ANKRD31: variants seen among roughly 807,000 people sequenced by gnomAD.
ANKRD31 encodes the protein ankyrin repeat domain 31.
A neutral mutation model predicts 186.0 loss-of-function variants in ANKRD31; 147 were observed. The observed-to-expected ratio is 0.79, with a 90% confidence interval of 0.69 to 0.91. The LOEUF (loss-of-function observed/expected upper bound fraction) is 0.91. Among genes scored for constraint, ANKRD31 ranks in the 40% least tolerant of loss-of-function variants. The pLI is 0.00. For missense variants in ANKRD31, 1,986 were observed against 2,148.8 expected, an observed-to-expected ratio of 0.92 and a Z score of 1.50; for synonymous variants, 673 against 736.4, an observed-to-expected ratio of 0.91 and a Z score of 1.39.
chr5:75,218,466 T>A (rs981977445), intron 3 of ANKRD31, among the ~76,000 whole-genome samples: 1 of 151,702 alleles, frequency 6.6e-6, no homozygotes, highest in Admixed American at 6.6e-5. Context: ...GCCTACCAAC[T>A]AAAAAAAGCC....
rs550993435 is a variant in ANKRD31 at position 75,154,592 on chromosome 5, A to T, written c.1708-247T>A. 6.6e-5 allele frequency among the ~76,000 whole-genome samples: 10 copies of T among 152,198 alleles called. No homozygotes were observed. The East Asian group carries it at 1.9e-3, about 29-fold the overall frequency. On this transcript the variant is annotated intron_variant, in intron 11 of 25. Transcript: ENST00000506364. ...AATGAAAGGGAGAAAGAGAAAAAGA[A>T]AGAAGGAGGGAAGAAAAGAAAGGGA...
At chr5:75,077,797 T>C (rs1188475961) in intron 25 of ANKRD31, among the ~76,000 whole-genome samples, 2 of 151,804 alleles carry the variant, frequency 1.3e-5, no homozygotes, top group Admixed American at 6.6e-5. Context: ...TGGTGGCAGG[T>C]GCCTGTAGTC....
intron 17 of ANKRD31, among the ~76,000 whole-genome samples, chr5:75,127,471 T>C (rs1253853340): frequency 6.6e-6 from 1 of 152,184 alleles, no homozygotes; most frequent in African/African-American, 2.4e-5. Flanking sequence ...AAATGTCATT[T>C]ATGTCAAGGT....
chr5:75,224,178 T>TATATATACAC (rs1341100904), intron 2 of ANKRD31, among the ~76,000 whole-genome samples: 1 of 124,432 alleles, frequency 8.0e-6, no homozygotes, highest in South Asian at 2.6e-4. Flanking sequence ...TATATATATA[T>TATATATACAC]ACACACATTT....
Position 75,116,621 on chromosome 5 carries a change from GT to G in ANKRD31, c.4099del (p.Thr1367LeufsTer30). 1 of 1,470,736 alleles carries G rather than the reference GT, an allele frequency of 6.8e-7. No individual in the cohort carries two copies. Among genetic ancestry groups the G allele is most frequent in the South Asian group, 1.4e-5 (1 of 70,824 alleles). 91.1% of individuals were successfully genotyped at this position (1,470,736 alleles called of 1,614,324 possible). A position where few individuals can be genotyped will look rare whatever the true frequency, so the allele number is the denominator to read the frequency against. ...HKQCFCDDGK[T>X]IDSSSLSHQE... The stretch of plus-strand genomic sequence containing the variant: ...GTGTGAAAGGGAAGATGAGTCAATA[GT>G]TTTGCCATCATCACAAAAACACTGT... On this transcript the variant is annotated frameshift_variant, in exon 19 of 26. Transcript: ENST00000506364. LOFTEE classifies it high-confidence loss of function.
At chr5:75,115,847 G>A (rs1440415289) in intron 19 of ANKRD31, among the ~76,000 whole-genome samples, 1 of 152,058 alleles carries the variant, frequency 6.6e-6, no homozygotes, top group African/African-American at 2.4e-5. Context: ...GCAAGTCAGT[G>A]TGGCGATTCC....
intron 1 of ANKRD31, among the ~76,000 whole-genome samples, chr5:75,233,472 C>G (rs1425682372): frequency 6.6e-6 from 1 of 152,016 alleles, no homozygotes; most frequent in Non-Finnish European, 1.5e-5. Context: ...TAATCTATTT[C>G]ATATTTAATT....
chr5:75,127,605 C>CAGCTATTTTA (rs1369099439), intron 17 of ANKRD31, among the ~76,000 whole-genome samples: 1 of 152,150 alleles, frequency 6.6e-6, no homozygotes, highest in Non-Finnish European at 1.5e-5. Flanking sequence ...AAATTTGTCT[C>CAGCTATTTTA]AGCTATTTTA....
At chr5:75,100,950 A>C (rs1746811718) in intron 22 of ANKRD31, among the ~76,000 whole-genome samples, 1 of 152,088 alleles carries the variant, frequency 6.6e-6, no homozygotes, top group Non-Finnish European at 1.5e-5. Flanking sequence ...TTATGTATGA[A>C]TTTGATCCTG....
At position 75,075,771 on chromosome 5, in the gene ANKRD31, A is replaced by G. The variant is rs375926085; in HGVS notation, c.5647+4797T>C. ...TGCTTCCACTTTAGCTCTGACAGTA[A>G]TGTTGAGGGGAGGAGGGTGACAGAG... On this transcript the variant is annotated intron_variant, in intron 25 of 25. Transcript: ENST00000506364. Among the ~76,000 whole-genome samples, 107 of 152,280 alleles carry G rather than the reference A, an allele frequency of 7.0e-4. No individual in the cohort carries two copies. In the South Asian group the frequency reaches 9.9e-3, roughly 14 times the overall value.
intron 10 of ANKRD31, among the ~76,000 whole-genome samples, chr5:75,177,921 T>C (rs1753946315): frequency 6.6e-6 from 1 of 152,036 alleles, no homozygotes; most frequent in South Asian, 2.1e-4. Context: ...ATGCTCCAAT[T>C]AAAAGGCGCA....
intron 11 of ANKRD31, among the ~76,000 whole-genome samples, chr5:75,160,922 T>G (rs1220581027): frequency 6.6e-6 from 1 of 152,170 alleles, no homozygotes; most frequent in Non-Finnish European, 1.5e-5. Context: ...CCTTATGCCA[T>G]GATTGTGAAG....
In ANKRD31 at chr5:75,168,960, A is replaced by G. The variant is rs985851767; in HGVS notation, c.1707+19T>C. 4 of 1,513,300 alleles carry G rather than the reference A, an allele frequency of 2.6e-6. No individual in the cohort carries two copies. In the African/African-American group the frequency reaches 4.1e-5, roughly 16 times the overall value. 93.7% of individuals were successfully genotyped at this position (1,513,300 alleles called of 1,614,324 possible). A position where few individuals can be genotyped will look rare whatever the true frequency, so the allele number is the denominator to read the frequency against. On this transcript the variant is annotated intron_variant, in intron 11 of 25. Coordinates refer to ENST00000506364, the MANE Select transcript of ANKRD31 (RefSeq NM_001372053.1). ...TGCAAAATATAGTATTTGTTCTGCAAATAAAAGCATCACAGTACCTTATAA... is the reference window on the plus strand; with the variant it reads ...TGCAAAATATAGTATTTGTTCTGCAGATAAAAGCATCACAGTACCTTATAA...
At chr5:75,104,177 C>G (rs1265667708) in intron 22 of ANKRD31, 51 bp downstream of exon 22, 1 of 1,365,346 alleles carries the variant, frequency 7.3e-7, no homozygotes, top group African/African-American at 1.5e-5. Context: ...GCAACATTTA[C>G]TCACTTATTT....
At chr5:75,091,534 T>G in intron 22 of ANKRD31, 133 bp from the exon 23 acceptor site, 1 of 842,326 alleles carries the variant, frequency 1.2e-6, no homozygotes, top group Non-Finnish European at 1.8e-6. Context: ...ATAAATTTAA[T>G]GTATCTAGAA....
intron 25 of ANKRD31, among the ~76,000 whole-genome samples, chr5:75,071,568 T>G (rs1744231827): frequency 6.7e-6 from 1 of 149,902 alleles, no homozygotes; most frequent in African/African-American, 2.4e-5. Context: ...CAATCTCAAC[T>G]CACTGCGACC....
intron 15 of ANKRD31, among the ~76,000 whole-genome samples, chr5:75,140,563 T>C (rs1442535883): frequency 6.6e-6 from 1 of 152,218 alleles, no homozygotes; most frequent in African/African-American, 2.4e-5. Context: ...TGTGTACTCT[T>C]CTTCTCTTGA....
In ANKRD31 at chr5:75,211,030, T is replaced by C. The variant is rs139651689; in HGVS notation, c.289-165A>G. 9.2e-3 allele frequency among the ~76,000 whole-genome samples: 1,406 copies of C among 152,314 alleles called. 30 individuals carry two copies. Among genetic ancestry groups the C allele is most frequent in the African/African-American group, 0.032 (1,317 of 41,570 alleles). Reference sequence around the variant, plus strand: ...ACTATCTATTTACTATCTGTACATTTTTAAGTGTACAGTTCTCTGGCATTA... The same window carrying C: ...ACTATCTATTTACTATCTGTACATTCTTAAGTGTACAGTTCTCTGGCATTA... On this transcript the variant is annotated intron_variant, in intron 3 of 25. Transcript: ENST00000506364.
intron 14 of ANKRD31, among the ~76,000 whole-genome samples, chr5:75,144,754 T>G (rs925368976): frequency 4.6e-5 from 7 of 152,088 alleles, no homozygotes; most frequent in Non-Finnish European, 8.8e-5. Context: ...TGGGATCTAA[T>G]TAAACTAAAG....
Sources: gnomAD v4.1 joint callset for allele counts (sites outside exome capture counted in the v4.1 genomes callset) on GRCh38, gnomAD v4.1.1 for gene constraint, MANE v1.5 for transcripts, NCBI Gene and HGNC (gene_info 2026-07-23, HGNC 2026-07-21) for gene names.